NXPE4: variants seen among roughly 807,000 people sequenced by gnomAD.
NXPE4 encodes the protein neurexophilin and PC-esterase domain family member 4.
NXPE4 carries 42 observed loss-of-function variants against 33.3 expected under a neutral mutation model. The ratio of observed to expected loss-of-function variants is 1.26; its 90% CI spans 0.98 to 1.63. The LOEUF is 1.63. Among genes scored for constraint, NXPE4 ranks in the 40% most tolerant of loss-of-function variants. The probability of loss-of-function intolerance (pLI) is 0.00; values close to 1 mark genes in which losing one functional copy is unlikely to be tolerated. For synonymous variants in NXPE4, 253 were observed against 234.9 expected (o/e 1.08, Z -0.71); for missense variants, 709 against 647.6 (o/e 1.09, Z -1.03).
At chr11:114,665,337 C>T in the NXPE4 span, among the ~76,000 whole-genome samples, 2 of 152,140 alleles carry the variant, frequency 1.3e-5, no homozygotes, top group East Asian at 1.9e-4. Flanking sequence ...AAGCCCATCA[C>T]GTCTTGATGA....
At chr11:114,636,474 C>G in the NXPE4 span, among the ~76,000 whole-genome samples, 4 of 151,832 alleles carry the variant, frequency 2.6e-5, 1 homozygote, top group African/African-American at 9.7e-5. Context: ...CAGTTCTGCT[C>G]TGATTTTAGT....
At chr11:114,581,595 G>A (rs150392370) in intron 4 of NXPE4, 130 bp downstream of exon 4, 68 of 727,178 alleles carry the variant, frequency 9.4e-5, no homozygotes, top group Non-Finnish European at 1.4e-4. Flanking sequence ...TGGTGTCTTG[G>A]CCAACCTTAG....
At chr11:114,617,381 C>T in the NXPE4 span, among the ~76,000 whole-genome samples, 33 of 151,062 alleles carry the variant, frequency 2.2e-4, no homozygotes, top group African/African-American at 2.9e-4. Flanking sequence ...CACTGTTACC[C>T]GGTAGATAAT....
At chr11:114,622,246 A>G in the NXPE4 span, among the ~76,000 whole-genome samples, 10 of 104,394 alleles carry the variant, frequency 9.6e-5, no homozygotes, top group African/African-American at 1.5e-4. Context: ...ACTGTTATCC[A>G]GTGGATAATA....
the NXPE4 span, among the ~76,000 whole-genome samples, chr11:114,624,737 C>T: frequency 0.18 from 27,004 of 151,072 alleles, 3,067 homozygotes; most frequent in African/African-American, 0.32. Flanking sequence ...GTATTGCCTC[C>T]AGGGTAACCA....
chr11:114,580,314 T>C lies in NXPE4; in HGVS notation c.917A>G (p.Lys306Arg). 5.0e-6 allele frequency: 8 copies of C among 1,614,054 alleles called. No homozygotes were observed. The highest frequency in any genetic ancestry group is 6.8e-6 in the Non-Finnish European group (8 of 1,179,942). The change falls in exon 5 of 6, where the codon AAA becomes AGA. Residue 306 changes from lysine to arginine, a missense_variant. By Grantham distance (26) the Lys-to-Arg change is conservative. Transcript: ENST00000375478. ...CNKETVAMKE[K>R]CKFGMTSTIP... ...TGTGGATGTCATTCCAAACTTGCATTTCTCTTTCATTGCAACTGTTTCTTC... is the reference window on the plus strand; with the variant it reads ...TGTGGATGTCATTCCAAACTTGCATCTCTCTTTCATTGCAACTGTTTCTTC...
the NXPE4 span, among the ~76,000 whole-genome samples, chr11:114,657,201 G>C: frequency 1.3e-5 from 2 of 152,154 alleles, no homozygotes; most frequent in African/African-American, 4.8e-5. Context: ...GAATTCCCCT[G>C]ATGCCTTCTC....
chr11:114,626,541 C>G, the NXPE4 span, among the ~76,000 whole-genome samples: 9 of 152,082 alleles, frequency 5.9e-5, no homozygotes, highest in Non-Finnish European at 2.9e-5. Flanking sequence ...TCATCAAAGA[C>G]CAAAGGTAGA....
At chr11:114,671,140 T>C in the NXPE4 span, among the ~76,000 whole-genome samples, 1 of 149,872 alleles carries the variant, frequency 6.7e-6, no homozygotes, top group Non-Finnish European at 1.5e-5. Context: ...AAAAGTACAA[T>C]AACTGATATG....
chr11:114,672,840 A>G, the NXPE4 span, among the ~76,000 whole-genome samples: 9 of 151,830 alleles, frequency 5.9e-5, no homozygotes, highest in Non-Finnish European at 1.3e-4. Context: ...AAAAAGAAAT[A>G]GACAATTCAA....
At chr11:114,637,307 A>G in the NXPE4 span, among the ~76,000 whole-genome samples, 1 of 150,810 alleles carries the variant, frequency 6.6e-6, no homozygotes, top group African/African-American at 2.4e-5. Flanking sequence ...TTTGTTTTCC[A>G]TTTGCTTGGT....
the NXPE4 span, among the ~76,000 whole-genome samples, chr11:114,606,506 C>T: frequency 6.6e-6 from 1 of 151,522 alleles, no homozygotes; most frequent in Admixed American, 6.6e-5. Context: ...TAAGTGTTGC[C>T]TCTAGGGTAA....
the NXPE4 span, among the ~76,000 whole-genome samples, chr11:114,665,886 C>T: frequency 6.6e-6 from 1 of 152,138 alleles, no homozygotes; most frequent in Admixed American, 6.6e-5. Flanking sequence ...AGGACCTTTG[C>T]TTGCACTAAA....
At chr11:114,640,372 C>G in the NXPE4 span, among the ~76,000 whole-genome samples, 3 of 149,468 alleles carry the variant, frequency 2.0e-5, no homozygotes, top group African/African-American at 7.3e-5. Context: ...GCTACTGTTT[C>G]TTTATCCACT....
intron 2 of NXPE4, chr11:114,584,714 C>G (rs965047916): frequency 1.3e-5 from 2 of 153,080 alleles, no homozygotes; most frequent in African/African-American, 4.8e-5. Flanking sequence ...CTCCCCTGCT[C>G]TGGCTTCCTG....
At chr11:114,631,989 T>C in the NXPE4 span, among the ~76,000 whole-genome samples, 1 of 149,082 alleles carries the variant, frequency 6.7e-6, no homozygotes, top group Admixed American at 6.8e-5. Flanking sequence ...TATTGCCTCA[T>C]AGGTAACAGC....
chr11:114,577,788 C>T (rs1340442465), intron 5 of NXPE4, among the ~76,000 whole-genome samples: 8 of 152,218 alleles, frequency 5.3e-5, no homozygotes, highest in African/African-American at 7.2e-5. Context: ...AACAAGTAAA[C>T]CCTATTTCCC....
chr11:114,664,417 G>C, the NXPE4 span, among the ~76,000 whole-genome samples: 1 of 152,060 alleles, frequency 6.6e-6, no homozygotes, highest in Non-Finnish European at 1.5e-5. Context: ...TGTGGTGGTA[G>C]TTACATTATC....
chr11:114,571,941 G>A (rs947849347), intron 5 of NXPE4, among the ~76,000 whole-genome samples: 1 of 152,158 alleles, frequency 6.6e-6, no homozygotes, highest in Non-Finnish European at 1.5e-5. Context: ...GGAGGCCAAC[G>A]AACACAAAAC....
Sources: allele counts gnomAD v4.1 joint callset (sites outside exome capture counted in the v4.1 genomes callset), GRCh38; gene constraint gnomAD v4.1.1; transcripts MANE v1.5; gene names NCBI Gene and HGNC (gene_info 2026-07-23, HGNC 2026-07-21).